Variants in TKT observed in about 807,000 individuals in gnomAD.
The protein encoded by TKT is epididymis luminal protein 107.
In TKT, 47 loss-of-function variants were observed where a neutral mutation model predicts 63.9. The ratio of observed to expected loss-of-function variants is 0.74; its 90% CI spans 0.58 to 0.94. TKT has a LOEUF of 0.94. Ranked by LOEUF, TKT falls within the 40% of genes least tolerant of loss-of-function variation. TKT has a pLI of 0.00. For missense variants in TKT, 721 were observed against 846.2 expected (o/e 0.85, Z 1.84); for synonymous variants, 338 against 334.1 (o/e 1.01, Z -0.13).
intron 7 of TKT, 57 bp from the exon 8 acceptor site, chr3:53,230,678 C>T (rs1704714413): frequency 6.3e-7 from 1 of 1,592,372 alleles, no homozygotes; most frequent in Non-Finnish European, 8.6e-7. Context: ...TGCACACCTG[C>T]AGCCTGGAGC....
intron 1 of TKT, among the ~76,000 whole-genome samples, chr3:53,246,643 A>G (rs9835964): frequency 0.026 from 4,001 of 152,240 alleles, 130 homozygotes; most frequent in African/African-American, 0.09. Flanking sequence ...ACCTGAGGTC[A>G]TGAGTTTGAG....
At chr3:53,240,459 T>C in intron 3 of TKT, 111 bp from the exon 4 acceptor site, 1 of 938,786 alleles carries the variant, frequency 1.1e-6, no homozygotes, top group Non-Finnish European at 1.6e-6. Context: ...CTGCAGAAGG[T>C]CAGGCCCCAG....
At chr3:53,237,068 C>G (rs1705064773) in intron 4 of TKT, among the ~76,000 whole-genome samples, 1 of 152,230 alleles carries the variant, frequency 6.6e-6, no homozygotes, top group Admixed American at 6.5e-5. Context: ...CTCCATAAAA[C>G]AGAATATTAT....
At chr3:53,232,506 C>T (rs1160629285) in intron 6 of TKT, 2 of 398,598 alleles carry the variant, frequency 5.0e-6, no homozygotes, top group Non-Finnish European at 8.8e-6. Flanking sequence ...CATAGACTTC[C>T]TCTGTCCCCG....
intron 12 of TKT, 110 bp downstream of exon 12, chr3:53,227,946 C>T: frequency 2.3e-6 from 2 of 884,492 alleles, no homozygotes; most frequent in Non-Finnish European, 3.5e-6. Context: ...AATGCTTTCT[C>T]TCTAGCTGTG....
chr3:53,243,565 G>A (rs1427459137), intron 1 of TKT: 8 of 456,474 alleles, frequency 1.8e-5, no homozygotes, highest in Non-Finnish European at 3.1e-5. Context: ...TCTCGCACAC[G>A]ATCATCTTAT....
intron 12 of TKT, chr3:53,227,126 G>T (rs151019193): frequency 6.5e-6 from 3 of 460,608 alleles, no homozygotes; most frequent in Admixed American, 7.9e-5. Flanking sequence ...AGAGCGGAGC[G>T]TGCAGGCCCT....
rs782466938 is a variant in TKT, at chr3:53,242,162, G to A, written c.188C>T (p.Pro63Leu). Reference sequence around the variant, plus strand: ...AAAGCGGTCATTGTGCGGATTCCGGGGGTCCTGGGACTTGTAGCGCATGGT... The same window carrying A: ...AAAGCGGTCATTGTGCGGATTCCGGAGGTCCTGGGACTTGTAGCGCATGGT... ...FHTMRYKSQD[P>L]RNPHNDRFVL... The change falls in exon 2 of 14, where the codon CCC (proline) becomes CTC (leucine). Residue 63 changes from proline (P) to leucine (L), a missense_variant. Physicochemically the swap from Pro to Leu is moderately conservative, Grantham distance 98. Transcript: ENST00000462138. 3.7e-6 allele frequency: 6 copies of A among 1,614,034 alleles called. No individual in the cohort carries two copies. The highest frequency in any genetic ancestry group is 4.2e-6 in the Non-Finnish European group (5 of 1,180,042).
chr3:53,254,975 C>T (rs1466614735), intron 1 of TKT, among the ~76,000 whole-genome samples: 1 of 152,228 alleles, frequency 6.6e-6, no homozygotes, highest in Admixed American at 6.5e-5. Flanking sequence ...GCTGGCCCTG[C>T]CCCAGGACGT....
At chr3:53,234,922 C>T in intron 5 of TKT, 61 bp downstream of exon 5, 4 of 1,509,514 alleles carry the variant, frequency 2.6e-6, no homozygotes, top group Non-Finnish European at 3.6e-6. Context: ...ACCTGCAAAG[C>T]TGTGATCACA....
intron 1 of TKT, among the ~76,000 whole-genome samples, chr3:53,249,980 C>T (rs58123576): frequency 0.017 from 2,579 of 152,280 alleles, 69 homozygotes; most frequent in African/African-American, 0.059. Context: ...CAACAGGGGC[C>T]GGACATCAGT....
chr3:53,226,482 C>T (rs893633536), intron 13 of TKT: 13 of 458,094 alleles, frequency 2.8e-5, no homozygotes, highest in African/African-American at 8.0e-5. Flanking sequence ...ACCTCAGGGA[C>T]GCCACCATCC....
intron 8 of TKT, among the ~76,000 whole-genome samples, chr3:53,230,195 T>C (rs6787685): frequency 0.17 from 26,622 of 152,236 alleles, 2,441 homozygotes; most frequent in South Asian, 0.29. Flanking sequence ...GCCTGGCCTG[T>C]ACGCAGCTCC....
intron 1 of TKT, among the ~76,000 whole-genome samples, chr3:53,255,131 G>A (rs1358328403): frequency 6.6e-6 from 1 of 152,160 alleles, no homozygotes; most frequent in Non-Finnish European, 1.5e-5. Context: ...ACGTGCCACC[G>A]CCCTCCTCCC....
Position 53,225,043 on chromosome 3 carries a change from T to A in TKT, c.*713A>T, listed in dbSNP as rs1553675109. 1 of 152,208 alleles carries A rather than the reference T, an allele frequency of 6.6e-6. No homozygotes were observed. The highest frequency in any genetic ancestry group is 1.5e-5 in the Non-Finnish European group (1 of 68,062). The allele number at this position is 152,208 out of a possible 1,614,324, so 9.4% of individuals were successfully genotyped here. ...CAGAATTCTGTGTGACATCAGAAGC[T>A]CCTGGGCCAGTTGTCACATGGAGTC... is the stretch of plus-strand genomic sequence containing the variant. On this transcript the variant is annotated 3_prime_UTR_variant, in exon 14 of 14. Coordinates refer to ENST00000462138, the MANE Select transcript of TKT (RefSeq NM_001064.4).
chr3:53,244,392 G>A (rs543357980), intron 1 of TKT, among the ~76,000 whole-genome samples: 1 of 152,266 alleles, frequency 6.6e-6, no homozygotes, highest in Non-Finnish European at 1.5e-5. Flanking sequence ...TCTTCACTTG[G>A]GAGAGTGTCT....
In TKT at chr3:53,240,333, C is replaced by T. The variant is rs961098631; in HGVS notation, c.355G>A (p.Asp119Asn). ...TGGCCCAGGGAGCCAGTGGCCACGTCGGTGAAAGCTTGTTTCTGTCATAAC... is the reference window on the plus strand; with the variant it reads ...TGGCCCAGGGAGCCAGTGGCCACGTTGGTGAAAGCTTGTTTCTGTCATAAC... Reference protein sequence around the residue: ...GHPVPKQAFTDVATGSLGQGL... With the variant: ...GHPVPKQAFTNVATGSLGQGL... Residue 119 changes from aspartate to asparagine, a missense_variant, in exon 4 of 14, where the codon GAC (aspartate) becomes AAC (asparagine). By Grantham distance (23) the Asp-to-Asn change is conservative (BLOSUM62 1). Coordinates refer to ENST00000462138, the MANE Select transcript of TKT (RefSeq NM_001064.4). The T allele has an allele frequency of 5.0e-6, 8 of 1,612,406 alleles. No homozygotes were observed. Among genetic ancestry groups the T allele is most frequent in the Admixed American group, 1.7e-5 (1 of 59,938 alleles).
intron 2 of TKT, among the ~76,000 whole-genome samples, chr3:53,241,616 A>G (rs1705278608): frequency 1.3e-5 from 2 of 152,250 alleles, no homozygotes; most frequent in East Asian, 3.9e-4. Flanking sequence ...CCACGGAGGC[A>G]GGCCTGAGCA....
intron 4 of TKT, among the ~76,000 whole-genome samples, chr3:53,237,136 C>A (rs1214964130): frequency 1.3e-5 from 2 of 152,156 alleles, no homozygotes; most frequent in African/African-American, 4.8e-5. Context: ...GTAATCCCAG[C>A]ACTCTGGGAG....
Sources: allele counts gnomAD v4.1 joint callset (sites outside exome capture counted in the v4.1 genomes callset), GRCh38; gene constraint gnomAD v4.1.1; transcripts MANE v1.5; gene names NCBI Gene and HGNC (gene_info 2026-07-23, HGNC 2026-07-21).